The following GTF2F2 variants were observed in gnomAD, a reference collection of about 807,000 sequenced individuals.
GTF2F2 encodes general transcription factor IIF subunit 2.
A neutral mutation model predicts 42.2 loss-of-function variants in GTF2F2; 23 were observed. The ratio of observed to expected loss-of-function variants is 0.55; its 90% confidence interval spans 0.39 to 0.77. The LOEUF (loss-of-function observed/expected upper bound fraction) is 0.77. Among genes scored for constraint, GTF2F2 ranks in the 30% least tolerant of loss-of-function variants. The probability of loss-of-function intolerance (pLI) is 0.00; values close to 1 mark genes in which losing one functional copy is unlikely to be tolerated. For synonymous variants in GTF2F2, 105 were observed against 100.8 expected, an observed-to-expected ratio of 1.04 and a Z score of -0.25; for missense variants, 261 against 287.2, an observed-to-expected ratio of 0.91 and a Z score of 0.66.
chr13:45,253,938 C>T (rs1875982729), intron 6 of GTF2F2, among the ~76,000 whole-genome samples: 1 of 151,734 alleles, frequency 6.6e-6, no homozygotes, highest in Non-Finnish European at 1.5e-5. Flanking sequence ...TCGGGCATGG[C>T]GGTGTGTGCC....
chr13:45,204,880 G>T (rs1466413021), intron 4 of GTF2F2, among the ~76,000 whole-genome samples: 1 of 152,156 alleles, frequency 6.6e-6, no homozygotes, highest in South Asian at 2.1e-4. Context: ...AGAAAATTAT[G>T]GTTTGAGAAA....
intron 4 of GTF2F2, chr13:45,206,727 C>T (rs1231559961): frequency 4.6e-5 from 7 of 152,196 alleles, no homozygotes; most frequent in Admixed American, 4.6e-4. Context: ...CCTTTGTTTC[C>T]TTTTTCTGAT....
chr13:45,187,293 T>C (rs1225377192), intron 4 of GTF2F2, among the ~76,000 whole-genome samples: 1 of 152,192 alleles, frequency 6.6e-6, no homozygotes, highest in African/African-American at 2.4e-5. Flanking sequence ...ATTGTCTCAT[T>C]TTTAAATATC....
chr13:45,267,182 G>C, intron 6 of GTF2F2, 51 bp from the exon 7 acceptor site: 2 of 1,457,486 alleles, frequency 1.4e-6, no homozygotes, highest in Non-Finnish European at 1.9e-6. Context: ...CTGTGTTTTA[G>C]AGTGAGCATG....
chr13:45,265,133 C>T (rs1876510492), intron 6 of GTF2F2, among the ~76,000 whole-genome samples: 1 of 152,086 alleles, frequency 6.6e-6, no homozygotes, highest in African/African-American at 2.4e-5. Context: ...GTGGTGCGCA[C>T]CTGTAATCCC....
chr13:45,173,821 G>A (rs975192460), intron 4 of GTF2F2, among the ~76,000 whole-genome samples: 3 of 151,794 alleles, frequency 2.0e-5, no homozygotes, highest in Non-Finnish European at 4.4e-5. Context: ...GTTTCACGGT[G>A]TTAGCCAGGA....
chr13:45,235,848 GC>G (rs917102686), intron 5 of GTF2F2, among the ~76,000 whole-genome samples: 1 of 151,840 alleles, frequency 6.6e-6, no homozygotes. Context: ...CAGGTGATCG[GC>G]CCCCCTCAGC....
Position 45,120,680 on chromosome 13 carries a change from T to C in GTF2F2, c.25T>C (p.Leu9=), listed in dbSNP as rs1477826074. The C allele has an allele frequency of 1.4e-5, 22 of 1,561,328 alleles. No homozygotes were observed. Among genetic ancestry groups the C allele is most frequent in the Non-Finnish European group, 1.9e-5 (22 of 1,151,888 alleles). MAERGELD[L]TGAKQNTGVW... Reference sequence around the variant, plus strand: ...CATGGCCGAGCGCGGGGAACTCGACTTGACCGGCGCCAAACAGAACACAGG... The same window carrying C: ...CATGGCCGAGCGCGGGGAACTCGACCTGACCGGCGCCAAACAGAACACAGG... The change falls in exon 1 of 8, where the codon TTG becomes CTG. Residue 9 remains leucine, a synonymous_variant. Transcript: ENST00000340473.
chr13:45,127,492 AT>A (rs34519885), intron 1 of GTF2F2, among the ~76,000 whole-genome samples: 3,778 of 137,382 alleles, frequency 0.028, 62 homozygotes, highest in Middle Eastern at 0.056. Flanking sequence ...CGCCCAACTA[AT>A]TTTTTTTTTT....
At chr13:45,181,073 A>G (rs1872133217) in intron 4 of GTF2F2, among the ~76,000 whole-genome samples, 1 of 151,884 alleles carries the variant, frequency 6.6e-6, no homozygotes, top group Admixed American at 6.6e-5. Flanking sequence ...AGGCTGAGGC[A>G]GGAAAATTGC....
chr13:45,190,192 A>G (rs1429490469), intron 4 of GTF2F2, among the ~76,000 whole-genome samples: 2 of 152,232 alleles, frequency 1.3e-5, no homozygotes, highest in East Asian at 1.9e-4. Context: ...GGCAAAGGAT[A>G]TGAACAGACA....
rs534030146 is a variant in GTF2F2 at position 45,177,158 on chromosome 13, G to A, written c.304+25327G>A. Reference sequence around the variant, plus strand: ...ATTTTTCTTCCATATGAATGAGAATGATGTATTTTTTTTTAATAAAGACCA... The same window carrying A: ...ATTTTTCTTCCATATGAATGAGAATAATGTATTTTTTTTTAATAAAGACCA... On this transcript the variant is annotated intron_variant, in intron 4 of 7. Transcript: ENST00000340473. Among the ~76,000 whole-genome samples, 34 of 151,934 alleles carry A rather than the reference G, an allele frequency of 2.2e-4. No individual in the cohort carries two copies. In the South Asian group the frequency reaches 2.3e-3, roughly 10 times the overall value.
intron 1 of GTF2F2, among the ~76,000 whole-genome samples, chr13:45,125,932 C>G (rs1190616925): frequency 6.6e-6 from 1 of 152,180 alleles, no homozygotes; most frequent in Non-Finnish European, 1.5e-5. Context: ...AGCTGTCCTC[C>G]TGTCCCAGCC....
chr13:45,135,679 A>C (rs896105338), intron 1 of GTF2F2, among the ~76,000 whole-genome samples: 20 of 152,140 alleles, frequency 1.3e-4, no homozygotes, highest in Non-Finnish European at 2.6e-4. Context: ...TTATTTGACT[A>C]GTGGTCAAGT....
chr13:45,145,378 A>G (rs1213141964), intron 2 of GTF2F2, among the ~76,000 whole-genome samples: 1 of 152,170 alleles, frequency 6.6e-6, no homozygotes, highest in African/African-American at 2.4e-5. Context: ...GGAGTTAGCC[A>G]TTTCTCCAAG....
At position 45,151,223 on chromosome 13, in the gene GTF2F2, GTGGTATT is replaced by G. The variant is rs144149097; in HGVS notation, c.160-459_160-453del. ...AGTTCCCACTTGTAAGTGAGAACAT[GTGGTATT>G]TGGTTTTCTGTTTCTGCGCTAATTT... On this transcript the variant is annotated intron_variant, in intron 3 of 7. Transcript: ENST00000340473. Among the ~76,000 whole-genome samples, 921 of 152,296 alleles carry G rather than the reference GTGGTATT, an allele frequency of 6.0e-3. 6 individuals are homozygous for G. The highest frequency in any genetic ancestry group is 0.054 in the Middle Eastern group (16 of 294).
At position 45,120,581 on chromosome 13, in the gene GTF2F2, C is replaced by T. The variant is rs970859863; in HGVS notation, c.-75C>T. ...TCTCAGCGCGGCTTGTCCTTTGTTCCGGACGCCCGCTCCTCAGCCCTGCGG... is the reference window on the plus strand; with the variant it reads ...TCTCAGCGCGGCTTGTCCTTTGTTCTGGACGCCCGCTCCTCAGCCCTGCGG... On this transcript the variant is annotated 5_prime_UTR_variant, in exon 1 of 8. Coordinates refer to ENST00000340473, the MANE Select transcript of GTF2F2 (RefSeq NM_004128.3). 9 of 1,080,914 alleles carry T rather than the reference C, an allele frequency of 8.3e-6. No individual in the cohort carries two copies. In the East Asian group the frequency reaches 1.3e-4, roughly 15 times the overall value. 67.0% of individuals were successfully genotyped at this position (1,080,914 alleles called of 1,614,324 possible). A position where few individuals can be genotyped will look rare whatever the true frequency, so the allele number is the denominator to read the frequency against.
chr13:45,178,090 T>G (rs1264906754), intron 4 of GTF2F2, among the ~76,000 whole-genome samples: 1 of 152,150 alleles, frequency 6.6e-6, no homozygotes, highest in Admixed American at 6.5e-5. Context: ...GTAGAAAACT[T>G]TCTGACACCT....
At chr13:45,180,062 G>A (rs779703183) in intron 4 of GTF2F2, among the ~76,000 whole-genome samples, 11 of 151,876 alleles carry the variant, frequency 7.2e-5, no homozygotes, top group Non-Finnish European at 1.3e-4. Context: ...TCTCTGTTAC[G>A]AAAATTTTGA....
Sources: allele counts gnomAD v4.1 joint callset (sites outside exome capture counted in the v4.1 genomes callset), GRCh38; gene constraint gnomAD v4.1.1; transcripts MANE v1.5; gene names NCBI Gene and HGNC (gene_info 2026-07-23, HGNC 2026-07-21).